Variants in PCSK2 observed in about 807,000 individuals in gnomAD.
The protein encoded by PCSK2 is neuroendocrine convertase 2.
Under a neutral mutation model 69.7 loss-of-function variants are expected in PCSK2, and 14 were observed. The observed-to-expected ratio is 0.20, with a 90% CI of 0.13 to 0.31. The LOEUF (loss-of-function observed/expected upper bound fraction) is 0.31, where lower values mean the gene tolerates loss of function less well. Among genes scored for constraint, PCSK2 ranks in the 10% least tolerant of loss-of-function variants. The pLI is 1.00. For missense variants in PCSK2, 544 were observed against 842.5 expected (o/e 0.65, Z 4.39); for synonymous variants, 307 against 320.7 (o/e 0.96, Z 0.46).
At chr20:17,480,471 G>C (rs1236515672) in intron 11 of PCSK2, among the ~76,000 whole-genome samples, 1 of 152,162 alleles carries the variant, frequency 6.6e-6, no homozygotes, top group Non-Finnish European at 1.5e-5. Flanking sequence ...TTACAGGCGT[G>C]AGCCACTGCG....
At chr20:17,315,611 T>C (rs1336539160) in intron 2 of PCSK2, among the ~76,000 whole-genome samples, 1 of 152,216 alleles carries the variant, frequency 6.6e-6, no homozygotes, top group Non-Finnish European at 1.5e-5. Context: ...CACAGCTCCC[T>C]CTGCCCCAAA....
intron 8 of PCSK2, among the ~76,000 whole-genome samples, chr20:17,450,115 C>T (rs2032793904): frequency 7.0e-6 from 1 of 143,782 alleles, no homozygotes; most frequent in African/African-American, 2.6e-5. Flanking sequence ...GCGGGCTCCG[C>T]CCCCTGGGGT....
chr20:17,243,632 G>A (rs1292206232), intron 1 of PCSK2, among the ~76,000 whole-genome samples: 1 of 152,208 alleles, frequency 6.6e-6, no homozygotes, highest in African/African-American at 2.4e-5. Context: ...CTTGTGCTCA[G>A]TTTGTAAGTC....
At chr20:17,351,381 G>A (rs1600513903) in intron 2 of PCSK2, among the ~76,000 whole-genome samples, 1 of 152,098 alleles carries the variant, frequency 6.6e-6, no homozygotes, top group East Asian at 1.9e-4. Flanking sequence ...CCAAAATCTG[G>A]TGAAGACACA....
chr20:17,460,494 A>G (rs778535355), intron 10 of PCSK2, among the ~76,000 whole-genome samples: 6 of 152,214 alleles, frequency 3.9e-5, no homozygotes, highest in Non-Finnish European at 5.9e-5. Context: ...AGGAGAAAAG[A>G]TAGATATGGA....
At chr20:17,324,046 G>A (rs1054618728) in intron 2 of PCSK2, among the ~76,000 whole-genome samples, 4 of 152,180 alleles carry the variant, frequency 2.6e-5, no homozygotes, top group Non-Finnish European at 4.4e-5. Context: ...CCTCCCTCAC[G>A]TGGGATGACT....
chr20:17,343,666 A>G (rs1362053307), intron 2 of PCSK2, among the ~76,000 whole-genome samples: 2 of 152,256 alleles, frequency 1.3e-5, no homozygotes, highest in African/African-American at 2.4e-5. Flanking sequence ...CAGGGAGATT[A>G]TCCTGAATTA....
intron 2 of PCSK2, among the ~76,000 whole-genome samples, chr20:17,310,290 T>C (rs972415540): frequency 3.9e-5 from 6 of 152,138 alleles, no homozygotes; most frequent in Non-Finnish European, 5.9e-5. Flanking sequence ...CCTCTAAAGA[T>C]GAAATTTGAC....
At chr20:17,435,869 T>C (rs1281152905) in intron 7 of PCSK2, among the ~76,000 whole-genome samples, 1 of 152,156 alleles carries the variant, frequency 6.6e-6, no homozygotes, top group East Asian at 1.9e-4. Flanking sequence ...GAGATCCCCC[T>C]GGAGAGGCCT....
chr20:17,381,490 A>T (rs1280225262), intron 5 of PCSK2, among the ~76,000 whole-genome samples: 1 of 152,200 alleles, frequency 6.6e-6, no homozygotes, highest in East Asian at 1.9e-4. Flanking sequence ...AGCTATTCAA[A>T]GAGCACTAGT....
rs1006043188 is a variant in PCSK2, at chr20:17,286,000, T to C, written c.282+25656T>C. Among the ~76,000 whole-genome samples, 4 of 152,352 alleles carry C rather than the reference T, an allele frequency of 2.6e-5. No homozygotes were observed. In the East Asian group the frequency reaches 5.8e-4, roughly 22 times the overall value. On this transcript the variant is annotated intron_variant, in intron 2 of 11. Coordinates refer to ENST00000262545, the MANE Select transcript of PCSK2 (RefSeq NM_002594.5). ...AGCTTTTTTCAGTTAAATTGTATTT[T>C]ATGTGAGTTTTAATTGACACAAAAT...
chr20:17,461,734 A>G (rs887389495), intron 10 of PCSK2, among the ~76,000 whole-genome samples: 15 of 152,226 alleles, frequency 9.9e-5, no homozygotes, highest in African/African-American at 3.6e-4. Flanking sequence ...TAGAAGTACT[A>G]TGCTCTGAAA....
chr20:17,259,566 G>A (rs1987301637), intron 1 of PCSK2, among the ~76,000 whole-genome samples: 1 of 152,160 alleles, frequency 6.6e-6, no homozygotes, highest in South Asian at 2.1e-4. Flanking sequence ...TGATTGGCCT[G>A]TTTAGGTTCT....
chr20:17,401,500 A>G (rs2031636388), intron 5 of PCSK2, among the ~76,000 whole-genome samples: 1 of 152,166 alleles, frequency 6.6e-6, no homozygotes. Context: ...CTCTTAATAC[A>G]AACACACAGG....
chr20:17,250,857 T>C (rs903986708), intron 1 of PCSK2, among the ~76,000 whole-genome samples: 2 of 152,120 alleles, frequency 1.3e-5, no homozygotes, highest in African/African-American at 2.4e-5. Context: ...CCCAGCACTT[T>C]AGGAGGTCAA....
chr20:17,402,944 G>A (rs1350966268), intron 5 of PCSK2, among the ~76,000 whole-genome samples: 13 of 151,528 alleles, frequency 8.6e-5, no homozygotes, highest in Admixed American at 5.3e-4. Flanking sequence ...GCGACAGAGC[G>A]AGACTCCGTC....
At chr20:17,324,949 G>A (rs1989995749) in intron 2 of PCSK2, among the ~76,000 whole-genome samples, 1 of 152,156 alleles carries the variant, frequency 6.6e-6, no homozygotes, top group Non-Finnish European at 1.5e-5. Flanking sequence ...GCAGTGTCGC[G>A]AGGCCACCAT....
intron 5 of PCSK2, among the ~76,000 whole-genome samples, chr20:17,381,056 C>T (rs1050140845): frequency 4.6e-5 from 7 of 152,178 alleles, no homozygotes; most frequent in Non-Finnish European, 8.8e-5. Context: ...CGGTCTGGAG[C>T]TTTAGGCAAA....
At chr20:17,375,835 T>G (rs1471202058) in intron 5 of PCSK2, among the ~76,000 whole-genome samples, 1 of 152,184 alleles carries the variant, frequency 6.6e-6, no homozygotes, top group Non-Finnish European at 1.5e-5. Flanking sequence ...TACAGAAGTT[T>G]GCATTGACTC....
Sources: allele counts gnomAD v4.1 joint callset (sites outside exome capture counted in the v4.1 genomes callset), GRCh38; gene constraint gnomAD v4.1.1; transcripts MANE v1.5; gene names NCBI Gene and HGNC (gene_info 2026-07-23, HGNC 2026-07-21).